UNC13C: variants seen among roughly 807,000 people sequenced by gnomAD.
UNC13C encodes protein unc-13 homolog C.
In UNC13C, 174 loss-of-function variants were observed where a neutral mutation model predicts 245.4. The observed-to-expected ratio is 0.71, with a 90% CI of 0.63 to 0.80. The LOEUF (loss-of-function observed/expected upper bound fraction) is 0.80, where lower values mean the gene tolerates loss of function less well. Ranked by LOEUF, UNC13C falls within the 30% of genes least tolerant of loss-of-function variation. The pLI, the probability that UNC13C is intolerant of heterozygous loss-of-function variation, is 0.00. For synonymous variants in UNC13C, 992 were observed against 895.1 expected, an observed-to-expected ratio of 1.11 and a Z score of -1.93; for missense variants, 2,829 against 2,602.9, an observed-to-expected ratio of 1.09 and a Z score of -1.89.
In UNC13C at chr15:54,032,434, G is replaced by T. The variant is rs117191065; in HGVS notation, c.2983+16548G>T. ...TCCTGGGTGCCTTCATTGCGTTGAT[G>T]AGTGATTGCTCAGGTTTGAAATTCA... On this transcript the variant is annotated intron_variant, in intron 2 of 32. Transcript: ENST00000260323. Among the ~76,000 whole-genome samples, 98 of 152,302 alleles carry T rather than the reference G, an allele frequency of 6.4e-4. No individual in the cohort carries two copies. The East Asian group carries it at 0.017, about 27-fold the overall frequency.
At chr15:54,254,246 G>A (rs966737008) in intron 8 of UNC13C, among the ~76,000 whole-genome samples, 2 of 152,114 alleles carry the variant, frequency 1.3e-5, no homozygotes, top group Non-Finnish European at 1.5e-5. Context: ...AACTATTGTG[G>A]GTAGGAGTTT....
chr15:54,185,589 G>A (rs1317401165), intron 4 of UNC13C, among the ~76,000 whole-genome samples: 11 of 149,648 alleles, frequency 7.4e-5, no homozygotes, highest in Non-Finnish European at 1.6e-4. Flanking sequence ...GTAGATATGT[G>A]GCATTATTTC....
rs1900384187 is a variant in UNC13C at position 54,105,303 on chromosome 15, T to G, written c.2984-37715T>G. 2.0e-5 allele frequency among the ~76,000 whole-genome samples: 3 copies of G among 152,032 alleles called. No homozygotes were observed. The South Asian group carries it at 6.2e-4, about 32-fold the overall frequency. ...AGGACATGGGGGGGTCTCAGCAGTG[T>G]TTTCAGATGGTCAATTATTCTCTTG... On this transcript the variant is annotated intron_variant, in intron 2 of 32. Coordinates refer to ENST00000260323, the MANE Select transcript of UNC13C (RefSeq NM_001080534.3).
chr15:54,263,902 T>C (rs2036487675), intron 8 of UNC13C, among the ~76,000 whole-genome samples: 1 of 152,142 alleles, frequency 6.6e-6, no homozygotes, highest in African/African-American at 2.4e-5. Context: ...ACCAAATTTT[T>C]GCACAACACC....
chr15:54,203,818 A>G (rs944162961), intron 4 of UNC13C, among the ~76,000 whole-genome samples: 19 of 145,334 alleles, frequency 1.3e-4, no homozygotes, highest in Non-Finnish European at 2.9e-4. Flanking sequence ...CTGTGTATAT[A>G]TACGTGTATG....
intron 10 of UNC13C, among the ~76,000 whole-genome samples, chr15:54,291,260 G>T (rs764245761): frequency 6.6e-6 from 1 of 151,884 alleles, no homozygotes; most frequent in Non-Finnish European, 1.5e-5. Flanking sequence ...TATTCCAACT[G>T]CTCTCCATGG....
chr15:54,371,850 A>G (rs1435979287), intron 17 of UNC13C, among the ~76,000 whole-genome samples: 1 of 152,188 alleles, frequency 6.6e-6, no homozygotes, highest in Admixed American at 6.5e-5. Context: ...GCACAGAAAG[A>G]CAAACACTGC....
At chr15:54,026,252 T>C (rs900213338) in intron 2 of UNC13C, among the ~76,000 whole-genome samples, 25 of 152,204 alleles carry the variant, frequency 1.6e-4, no homozygotes, top group Non-Finnish European at 2.8e-4. Flanking sequence ...AGACTATGGC[T>C]GAAGTCCTCA....
At chr15:54,400,493 T>C (rs1034778080) in intron 18 of UNC13C, among the ~76,000 whole-genome samples, 1 of 152,136 alleles carries the variant, frequency 6.6e-6, no homozygotes, top group African/African-American at 2.4e-5. Context: ...TCCTTCATAG[T>C]CATTACTCTC....
chr15:54,560,941 G>C (rs1460047425), intron 29 of UNC13C, among the ~76,000 whole-genome samples: 1 of 151,962 alleles, frequency 6.6e-6, no homozygotes, highest in Non-Finnish European at 1.5e-5. Context: ...CCTGATGATT[G>C]GTTCATTTTG....
At chr15:54,625,539 C>G (rs1226467677) in intron 32 of UNC13C, among the ~76,000 whole-genome samples, 8 of 152,020 alleles carry the variant, frequency 5.3e-5, no homozygotes, top group Non-Finnish European at 1.0e-4. Context: ...TCATTTAATT[C>G]AACAAATATA....
intron 22 of UNC13C, among the ~76,000 whole-genome samples, chr15:54,504,161 G>C (rs1405379377): frequency 6.6e-6 from 1 of 152,068 alleles, no homozygotes; most frequent in Non-Finnish European, 1.5e-5. Context: ...AAATAGATAT[G>C]AAGTAATGTT....
chr15:54,346,506 A>G (rs985382895), intron 17 of UNC13C, among the ~76,000 whole-genome samples: 39 of 152,242 alleles, frequency 2.6e-4, no homozygotes, highest in African/African-American at 9.2e-4. Context: ...TTCCAGCACT[A>G]TTAGACACAG....
At chr15:54,167,602 G>GAAAAAA (rs35210236) in intron 4 of UNC13C, among the ~76,000 whole-genome samples, 222 of 63,542 alleles carry the variant, frequency 3.5e-3, no homozygotes, top group Middle Eastern at 0.015. Context: ...ATCCAAATAG[G>GAAAAAA]AAAAAAAAAA....
At chr15:54,076,448 T>G (rs1197280896) in intron 2 of UNC13C, among the ~76,000 whole-genome samples, 1 of 152,164 alleles carries the variant, frequency 6.6e-6, no homozygotes, top group Non-Finnish European at 1.5e-5. Context: ...TCATCATTTT[T>G]TATGGCTGCA....
intron 2 of UNC13C, among the ~76,000 whole-genome samples, chr15:54,077,154 A>T (rs1411010714): frequency 6.6e-6 from 1 of 151,908 alleles, no homozygotes; most frequent in East Asian, 1.9e-4. Flanking sequence ...GTCTCAAAAA[A>T]CCTTGGAAGC....
At chr15:54,397,214 C>T (rs1477154452) in intron 18 of UNC13C, among the ~76,000 whole-genome samples, 6 of 151,458 alleles carry the variant, frequency 4.0e-5, no homozygotes, top group Admixed American at 4.0e-4. Flanking sequence ...GTGTGATAAT[C>T]AAGTTTAACT....
chr15:54,343,805 A>T (rs1490880333), intron 17 of UNC13C, among the ~76,000 whole-genome samples: 1 of 152,178 alleles, frequency 6.6e-6, no homozygotes, highest in Non-Finnish European at 1.5e-5. Context: ...TATGAATACC[A>T]CAAGGAAAAG....
chr15:53,882,157 T>C, the UNC13C span, among the ~76,000 whole-genome samples: 1 of 152,346 alleles, frequency 6.6e-6, no homozygotes, highest in Admixed American at 6.5e-5. Context: ...GGAATCTAGC[T>C]TTTATTTCAT....
Sources: allele counts gnomAD v4.1 joint callset (sites outside exome capture counted in the v4.1 genomes callset), GRCh38; gene constraint gnomAD v4.1.1; transcripts MANE v1.5; gene names NCBI Gene and HGNC (gene_info 2026-07-23, HGNC 2026-07-21).